KCNJ6: variants seen among roughly 807,000 people sequenced by gnomAD.
The protein encoded by KCNJ6 is potassium inwardly rectifying channel subfamily J member 6.
A neutral mutation model predicts 34.2 loss-of-function variants in KCNJ6; 9 were observed. The observed-to-expected ratio is 0.26, with a 90% confidence interval of 0.16 to 0.46. KCNJ6 has a LOEUF of 0.46. KCNJ6 is among the 20% of genes least tolerant of loss of function. The pLI, the probability that KCNJ6 is intolerant of heterozygous loss-of-function variation, is 1.00. For missense variants in KCNJ6, 236 were observed against 531.3 expected, an observed-to-expected ratio of 0.44 and a Z score of 5.46; for synonymous variants, 196 against 207.1, an observed-to-expected ratio of 0.95 and a Z score of 0.46.
In KCNJ6 at chr21:37,831,338, C is replaced by T. The variant is rs1383522425; in HGVS notation, c.25+9320G>A. Reference sequence around the variant, plus strand: ...GCCTAATGGTGGGACTGAAATGATACATTGTACAGGGACTGCACTAATGTG... The same window carrying T: ...GCCTAATGGTGGGACTGAAATGATATATTGTACAGGGACTGCACTAATGTG... On this transcript the variant is annotated intron_variant, in intron 2 of 3. Coordinates refer to ENST00000609713, the MANE Select transcript of KCNJ6 (RefSeq NM_002240.5). Among the ~76,000 whole-genome samples, 5 of 152,222 alleles carry T rather than the reference C, an allele frequency of 3.3e-5. No individual in the cohort carries two copies. In the East Asian group the frequency reaches 7.7e-4, roughly 23 times the overall value.
At position 37,621,395 on chromosome 21, in the gene KCNJ6, C is replaced by T. The variant is rs1056362396; in HGVS notation, c.*3764G>A. ...GTCCACCAGTTCCCACCTTTGTAAG[C>T]AGTTTCTAAATATCCCAAAGACACT... On this transcript the variant is annotated 3_prime_UTR_variant, in exon 4 of 4. Coordinates refer to ENST00000609713, the MANE Select transcript of KCNJ6 (RefSeq NM_002240.5). The T allele has an allele frequency of 3.9e-5, 6 of 152,140 alleles. No individual in the cohort carries two copies. Among genetic ancestry groups the T allele is most frequent in the Non-Finnish European group, 8.8e-5 (6 of 68,014 alleles). 9.4% of individuals were successfully genotyped at this position (152,140 alleles called of 1,614,324 possible).
chr21:37,704,283 T>C (rs1203983621), intron 3 of KCNJ6, among the ~76,000 whole-genome samples: 2 of 116,758 alleles, frequency 1.7e-5, no homozygotes, highest in African/African-American at 5.4e-5. Flanking sequence ...CCCCTGAGGT[T>C]GTACACCTTT....
At chr21:37,712,635 C>T (rs857964) in intron 3 of KCNJ6, among the ~76,000 whole-genome samples, 7 of 48,574 alleles carry the variant, frequency 1.4e-4, no homozygotes, top group South Asian at 8.6e-4. Flanking sequence ...TCTTCCCTCC[C>T]TCCTCCCCTT....
intron 2 of KCNJ6, among the ~76,000 whole-genome samples, chr21:37,811,758 G>A (rs982650436): frequency 5.3e-5 from 8 of 152,084 alleles, no homozygotes; most frequent in Admixed American, 2.0e-4. Flanking sequence ...GATCTTGGAG[G>A]GCTTAAGGGA....
chr21:37,684,015 C>G (rs558008708), intron 3 of KCNJ6, among the ~76,000 whole-genome samples: 2 of 152,354 alleles, frequency 1.3e-5, no homozygotes, highest in African/African-American at 4.8e-5. Context: ...CCAACAACAA[C>G]TGAACTGGTC....
At chr21:37,688,708 G>T (rs549068741) in intron 3 of KCNJ6, among the ~76,000 whole-genome samples, 2 of 152,306 alleles carry the variant, frequency 1.3e-5, no homozygotes, top group Admixed American at 1.3e-4. Flanking sequence ...GGGTGCAGAT[G>T]CCAGATAAGG....
At chr21:37,798,104 TACA>T (rs1359655944) in intron 2 of KCNJ6, among the ~76,000 whole-genome samples, 1 of 152,196 alleles carries the variant, frequency 6.6e-6, no homozygotes, top group African/African-American at 2.4e-5. Flanking sequence ...ATTCTAATAA[TACA>T]ACAACAATCC....
At chr21:37,737,175 G>A (rs1462049418) in intron 2 of KCNJ6, among the ~76,000 whole-genome samples, 2 of 152,158 alleles carry the variant, frequency 1.3e-5, no homozygotes, top group Non-Finnish European at 2.9e-5. Flanking sequence ...CCGATGGCAA[G>A]AGAAGACCTG....
chr21:37,887,505 G>T (rs1028945545), intron 1 of KCNJ6, among the ~76,000 whole-genome samples: 2 of 152,202 alleles, frequency 1.3e-5, no homozygotes, highest in Non-Finnish European at 2.9e-5. Flanking sequence ...CATGGAGCTT[G>T]CATTTTGGTG....
chr21:37,910,079 C>T (rs1014552200), intron 1 of KCNJ6, among the ~76,000 whole-genome samples: 3 of 152,176 alleles, frequency 2.0e-5, no homozygotes, highest in African/African-American at 7.2e-5. Flanking sequence ...GTGTTCCAGA[C>T]CAATTCTTGA....
intron 2 of KCNJ6, among the ~76,000 whole-genome samples, chr21:37,820,565 T>C (rs570969822): frequency 1.4e-4 from 22 of 152,226 alleles, no homozygotes; most frequent in Non-Finnish European, 2.1e-4. Flanking sequence ...TCCTCACTTC[T>C]GACCTATGTT....
At chr21:37,824,373 A>C (rs1191261727) in intron 2 of KCNJ6, among the ~76,000 whole-genome samples, 1 of 152,068 alleles carries the variant, frequency 6.6e-6, no homozygotes, top group Non-Finnish European at 1.5e-5. Flanking sequence ...CCTCGTGTTC[A>C]ACTCCTGTCA....
chr21:37,834,531 T>C (rs1303702607), intron 2 of KCNJ6, among the ~76,000 whole-genome samples: 1 of 152,266 alleles, frequency 6.6e-6, no homozygotes, highest in Non-Finnish European at 1.5e-5. Flanking sequence ...CCCCCAAATG[T>C]TGCGCCTGGT....
intron 3 of KCNJ6, among the ~76,000 whole-genome samples, chr21:37,677,652 CTA>C (rs1302389966): frequency 6.6e-6 from 1 of 151,986 alleles, no homozygotes; most frequent in Non-Finnish European, 1.5e-5. Context: ...TTTTGTTTGA[CTA>C]TTGCATAAGC....
intron 2 of KCNJ6, among the ~76,000 whole-genome samples, chr21:37,750,182 T>C (rs543040628): frequency 1.6e-4 from 24 of 152,196 alleles, no homozygotes; most frequent in East Asian, 1.5e-3. Context: ...CAATGAGATA[T>C]CATCTTACAC....
chr21:37,785,044 G>T (rs1267663925), intron 2 of KCNJ6, among the ~76,000 whole-genome samples: 1 of 152,148 alleles, frequency 6.6e-6, no homozygotes, highest in Non-Finnish European at 1.5e-5. Context: ...AGAACTAGAG[G>T]AGCAGAGGAG....
intron 2 of KCNJ6, among the ~76,000 whole-genome samples, chr21:37,726,349 T>C (rs1455745563): frequency 6.6e-6 from 1 of 152,268 alleles, no homozygotes; most frequent in African/African-American, 2.4e-5. Context: ...CTGTTGGCTC[T>C]TGTCAGAAGG....
intron 3 of KCNJ6, among the ~76,000 whole-genome samples, chr21:37,637,544 C>T (rs373215884): frequency 2.6e-5 from 4 of 151,976 alleles, no homozygotes; most frequent in Admixed American, 1.3e-4. Flanking sequence ...AGTGTGTGCT[C>T]GGTGTGAGCC....
chr21:37,684,970 A>T (rs1031234339), intron 3 of KCNJ6, among the ~76,000 whole-genome samples: 1 of 152,240 alleles, frequency 6.6e-6, no homozygotes, highest in African/African-American at 2.4e-5. Context: ...TGCAGGTAAA[A>T]TACCATTAAC....
Sources: allele counts gnomAD v4.1 joint callset (sites outside exome capture counted in the v4.1 genomes callset), GRCh38; gene constraint gnomAD v4.1.1; transcripts MANE v1.5; gene names NCBI Gene and HGNC (gene_info 2026-07-23, HGNC 2026-07-21).